CEP290: variants seen among roughly 807,000 people sequenced by gnomAD.
CEP290 encodes centrosomal protein of 290 kDa.
In CEP290, 317 loss-of-function variants were observed where a neutral mutation model predicts 344.9. The observed-to-expected ratio is 0.92, with a 90% confidence interval of 0.84 to 1.01. The LOEUF is 1.01. Among genes scored for constraint, CEP290 ranks in the 50% least tolerant of loss-of-function variants. The pLI, the probability that CEP290 is intolerant of heterozygous loss-of-function variation, is 0.00. For missense variants in CEP290, 2,754 were observed against 2,761.4 expected (o/e 1.00, Z 0.06); for synonymous variants, 932 against 895.8 (o/e 1.04, Z -0.72).
intron 13 of CEP290, among the ~76,000 whole-genome samples, chr12:88,124,874 A>C (rs1394386445): frequency 2.0e-5 from 3 of 152,098 alleles, no homozygotes; most frequent in African/African-American, 7.2e-5. Context: ...GATTAATGTG[A>C]AATTACCTCT....
chr12:88,111,376 G>A, intron 21 of CEP290, 25 bp from the exon 22 acceptor site: 1 of 1,554,176 alleles, frequency 6.4e-7, no homozygotes, highest in Non-Finnish European at 8.7e-7. Flanking sequence ...CCAGCAATGA[G>A]AATCACAACT....
In CEP290 at chr12:88,111,083, T is replaced by C. The variant is rs1199674562; in HGVS notation, c.2367+119A>G. The C allele has an allele frequency of 3.3e-5, 18 of 546,356 alleles. No individual in the cohort carries two copies. The East Asian group carries it at 6.4e-4, about 19-fold the overall frequency. 33.8% of individuals were successfully genotyped at this position (546,356 alleles called of 1,614,324 possible). A position where few individuals can be genotyped will look rare whatever the true frequency, so the allele number is the denominator to read the frequency against. ...TGAGAAAAGTACTATCTGCATGCTTTGGTGATGGAAAAATTAAAATAAAGT... is the reference window on the plus strand; with the variant it reads ...TGAGAAAAGTACTATCTGCATGCTTCGGTGATGGAAAAATTAAAATAAAGT... On this transcript the variant is annotated intron_variant, in intron 22 of 53. Coordinates refer to ENST00000552810, the MANE Select transcript of CEP290 (RefSeq NM_025114.4).
intron 3 of CEP290, among the ~76,000 whole-genome samples, 155 bp from the exon 4 acceptor site, chr12:88,139,719 G>T (rs1262690021): frequency 6.6e-6 from 1 of 152,146 alleles, no homozygotes; most frequent in Non-Finnish European, 1.5e-5. Flanking sequence ...ATAGTTTTTG[G>T]TTTTTGTTTT....
In CEP290 at chr12:88,084,646, C is replaced by T. The variant is rs2137183393; in HGVS notation, c.4644G>A (p.Arg1548=). 1 of 1,613,432 alleles carries T rather than the reference C, an allele frequency of 6.2e-7. No homozygotes were observed. Residue 1548 remains arginine, a synonymous_variant, in exon 35 of 54, where the codon AGG becomes AGA. Coordinates refer to ENST00000552810, the MANE Select transcript of CEP290 (RefSeq NM_025114.4). ...AHQTIANMQA[R]LNQKEEVLKK... ...TTAATACTTCTTCTTTTTGATTTAACCTTGCTTGCATGTTTGCAATGGTTT... is the reference window on the plus strand; with the variant it reads ...TTAATACTTCTTCTTTTTGATTTAATCTTGCTTGCATGTTTGCAATGGTTT...
chr12:88,072,617 A>G (rs2035465428), intron 41 of CEP290, among the ~76,000 whole-genome samples: 1 of 152,166 alleles, frequency 6.6e-6, no homozygotes, highest in Non-Finnish European at 1.5e-5. Flanking sequence ...AATCCTCTGT[A>G]CAAACGACCA....
In CEP290 at chr12:88,083,075, TTC is replaced by T. The variant is rs756302731; in HGVS notation, c.4966_4967del (p.Glu1656AsnfsTer3). On this transcript the variant is annotated frameshift_variant, in exon 37 of 54. Transcript: ENST00000552810. LOFTEE classifies it high-confidence loss of function. ...ATTCTTTTACTTTTAATTCAGTGAT[TTC>T]TCTTTGTCTCTCCAAATCTTGTGAT... ...KVSQDLERQR[E>X]ITELKVKEFE... is the part of the protein sequence containing the mutation. The T allele has an allele frequency of 2.6e-6, 4 of 1,526,986 alleles. No homozygotes were observed. Among genetic ancestry groups the T allele is most frequent in the Admixed American group, 2.2e-5 (1 of 44,910 alleles). 94.6% of individuals were successfully genotyped at this position (1,526,986 alleles called of 1,614,324 possible).
chr12:88,124,234 T>C (rs1011674523), intron 13 of CEP290, among the ~76,000 whole-genome samples: 2 of 152,204 alleles, frequency 1.3e-5, no homozygotes, highest in South Asian at 4.1e-4. Flanking sequence ...ATGGCCTCTG[T>C]TTACCTCTCT....
intron 49 of CEP290, 61 bp from the exon 50 acceptor site, chr12:88,055,778 G>T: frequency 8.4e-7 from 1 of 1,184,054 alleles, no homozygotes; most frequent in Non-Finnish European, 1.2e-6. Flanking sequence ...TGATTTAAAA[G>T]TCAGTTCAAA....
At chr12:88,050,886 CGT>C (rs2033439244) in intron 52 of CEP290, among the ~76,000 whole-genome samples, 2 of 152,088 alleles carry the variant, frequency 1.3e-5, no homozygotes. Flanking sequence ...ATGTGCAAAA[CGT>C]GTCATGCAGG....
chr12:88,102,778 C>T (rs2037991611), intron 26 of CEP290, 60 bp downstream of exon 26: 31 of 1,456,580 alleles, frequency 2.1e-5, no homozygotes, highest in Non-Finnish European at 2.8e-5. Context: ...TCCCCCCAAA[C>T]ACAAAAATAT....
intron 39 of CEP290, 40 bp downstream of exon 39, chr12:88,079,052 T>A: frequency 6.7e-7 from 1 of 1,491,604 alleles, no homozygotes. Context: ...CAATAGGAAT[T>A]ATCAGAAATT....
At chr12:88,094,064 T>G (rs555247609) in intron 27 of CEP290, 89 bp from the exon 28 acceptor site, 1 of 1,003,520 alleles carries the variant, frequency 1.0e-6, no homozygotes. Context: ...GAAAGCATTA[T>G]AGTTCCATGG....
chr12:88,105,690 T>C (rs1005090425), intron 25 of CEP290, among the ~76,000 whole-genome samples: 5 of 152,128 alleles, frequency 3.3e-5, no homozygotes, highest in Non-Finnish European at 7.4e-5. Context: ...GTTAGCTAAA[T>C]TGCTTAATAA....
intron 28 of CEP290, 142 bp downstream of exon 28, chr12:88,093,628 T>C (rs1481912763): frequency 1.7e-6 from 1 of 584,426 alleles, no homozygotes; most frequent in Non-Finnish European, 2.9e-6. Context: ...TTTAAATCTT[T>C]TATTTATTTA....
intron 52 of CEP290, among the ~76,000 whole-genome samples, chr12:88,050,825 A>G (rs1257367770): frequency 2.6e-5 from 4 of 152,220 alleles, no homozygotes; most frequent in African/African-American, 7.2e-5. Flanking sequence ...GCTATCCAAC[A>G]CAACACTGGC....
chr12:88,140,846 G>A, intron 3 of CEP290, 110 bp downstream of exon 3: 1 of 648,004 alleles, frequency 1.5e-6, no homozygotes, highest in Non-Finnish European at 2.6e-6. Flanking sequence ...ATTTTTTAGT[G>A]GTGATGTAGA....
intron 28 of CEP290, among the ~76,000 whole-genome samples, chr12:88,093,196 T>C (rs572832327): frequency 4.6e-5 from 7 of 152,244 alleles, no homozygotes; most frequent in Admixed American, 1.3e-4. Context: ...CTTACTCATA[T>C]AGATTTAGTG....
intron 41 of CEP290, among the ~76,000 whole-genome samples, chr12:88,073,924 TA>T (rs1428979366): frequency 6.6e-6 from 1 of 152,092 alleles, no homozygotes; most frequent in Non-Finnish European, 1.5e-5. Context: ...AAGTGCCCTT[TA>T]AAAAATGTAA....
intron 41 of CEP290, among the ~76,000 whole-genome samples, chr12:88,074,365 C>T (rs1007031181): frequency 2.6e-5 from 4 of 152,268 alleles, no homozygotes; most frequent in African/African-American, 7.2e-5. Context: ...AATAATCCTG[C>T]AGCACACAGT....
Sources: allele counts gnomAD v4.1 joint callset (sites outside exome capture counted in the v4.1 genomes callset), GRCh38; gene constraint gnomAD v4.1.1; transcripts MANE v1.5; gene names NCBI Gene and HGNC (gene_info 2026-07-23, HGNC 2026-07-21).